PDIA3: variants seen among roughly 807,000 people sequenced by gnomAD.
PDIA3 encodes protein disulfide isomerase family A member 3.
PDIA3 carries 16 observed loss-of-function variants against 56.9 expected under a neutral mutation model. The observed-to-expected ratio is 0.28, with a 90% CI of 0.19 to 0.43. PDIA3 has a LOEUF of 0.43. Ranked by LOEUF, PDIA3 falls within the 20% of genes least tolerant of loss-of-function variation. The pLI is 1.00. For synonymous variants in PDIA3, 192 were observed against 216.5 expected (o/e 0.89, Z 0.99); for missense variants, 485 against 621.3 (o/e 0.78, Z 2.33).
chr15:43,749,374 C>T (rs1211885851), intron 1 of PDIA3, among the ~76,000 whole-genome samples: 2 of 152,200 alleles, frequency 1.3e-5, no homozygotes, highest in East Asian at 1.9e-4. Flanking sequence ...CAGGCGTGCG[C>T]CACCTAGCCT....
chr15:43,752,975 C>G, intron 1 of PDIA3: 4 of 438,218 alleles, frequency 9.1e-6, no homozygotes, highest in South Asian at 6.4e-5. Flanking sequence ...TTTGTTATCA[C>G]TTCTCATGGC....
intron 6 of PDIA3, 27 bp from the exon 7 acceptor site, chr15:43,765,860 A>C (rs757692664): frequency 6.3e-7 from 1 of 1,592,824 alleles, no homozygotes; most frequent in Non-Finnish European, 8.5e-7. Context: ...TTGGCAAGCC[A>C]GTTGATAATG....
At chr15:43,766,567 T>C (rs547237189) in intron 7 of PDIA3, among the ~76,000 whole-genome samples, 161 bp from the exon 8 acceptor site, 2 of 152,356 alleles carry the variant, frequency 1.3e-5, no homozygotes, top group African/African-American at 2.4e-5. Flanking sequence ...AAGTATATCA[T>C]AACCCTGTGT....
rs1027016458 is a variant in PDIA3, at chr15:43,772,520, C to T, written c.*1302C>T. The stretch of plus-strand genomic sequence containing the variant: ...CGGGGATCTAATTGTTTAGAGAGCC[C>T]CAAAAGTGGCTCAGATGTAAAGCCA... On this transcript the variant is annotated 3_prime_UTR_variant, in exon 13 of 13. Transcript: ENST00000300289. 6.6e-6 allele frequency: 1 copy of T among 152,052 alleles called. No homozygotes were observed. Among genetic ancestry groups the T allele is most frequent in the South Asian group, 2.1e-4 (1 of 4,818 alleles). 9.4% of individuals were successfully genotyped at this position (152,052 alleles called of 1,614,324 possible).
rs1040098247 is a variant in PDIA3 at position 43,772,144 on chromosome 15, C to T, written c.*926C>T. 1.3e-5 allele frequency: 2 copies of T among 152,504 alleles called. No individual in the cohort carries two copies. The highest frequency in any genetic ancestry group is 2.9e-5 in the Non-Finnish European group (2 of 68,264). The allele number at this position is 152,504 out of a possible 1,614,324, so 9.4% of individuals were successfully genotyped here. On this transcript the variant is annotated 3_prime_UTR_variant, in exon 13 of 13. Transcript: ENST00000300289. ...CCATTCCTAGTTATGAGTGAAGCAT[C>T]CACTTTCTTTTGTAACAATGAGGAA...
intron 8 of PDIA3, 60 bp from the exon 9 acceptor site, chr15:43,768,429 T>C: frequency 4.0e-6 from 5 of 1,246,806 alleles, no homozygotes; most frequent in Non-Finnish European, 5.9e-6. Flanking sequence ...AAGAAATTGC[T>C]GTAATTTTCT....
chr15:43,773,087 G>A lies in PDIA3; in HGVS notation c.*1869G>A. On this transcript the variant is annotated 3_prime_UTR_variant, in exon 13 of 13. Coordinates refer to ENST00000300289, the MANE Select transcript of PDIA3 (RefSeq NM_005313.5). ...GCTTTGTTCCTTTGTGTTTCACTAAGCAGAGGCTCAAAAATTCCCTTGATA... is the reference window on the plus strand; with the variant it reads ...GCTTTGTTCCTTTGTGTTTCACTAAACAGAGGCTCAAAAATTCCCTTGATA... 6.4e-7 allele frequency: 1 copy of A among 1,566,700 alleles called. No individual in the cohort carries two copies. Among genetic ancestry groups the A allele is most frequent in the South Asian group, 1.2e-5 (1 of 84,386 alleles).
At chr15:43,766,602 C>G (rs2141655839) in intron 7 of PDIA3, 126 bp from the exon 8 acceptor site, 1 of 731,982 alleles carries the variant, frequency 1.4e-6, no homozygotes, top group Non-Finnish European at 2.3e-6. Flanking sequence ...TCAGACTGTT[C>G]AGACTGATTC....
intron 4 of PDIA3, among the ~76,000 whole-genome samples, chr15:43,762,747 T>TC (rs1203296679): frequency 6.6e-6 from 1 of 152,210 alleles, no homozygotes; most frequent in African/African-American, 2.4e-5. Flanking sequence ...TTTTGACATG[T>TC]CATCTTAATT....
chr15:43,750,878 A>G (rs1284324148), intron 1 of PDIA3, among the ~76,000 whole-genome samples: 1 of 152,162 alleles, frequency 6.6e-6, no homozygotes, highest in Non-Finnish European at 1.5e-5. Context: ...CACGCCTGTA[A>G]TCCCAGCACT....
intron 8 of PDIA3, 60 bp downstream of exon 8, chr15:43,766,970 A>G: frequency 7.1e-7 from 1 of 1,407,414 alleles, no homozygotes. Context: ...TTATACTACA[A>G]AGGATTTCTA....
At chr15:43,760,587 G>A (rs1222647604) in intron 3 of PDIA3, among the ~76,000 whole-genome samples, 1 of 148,828 alleles carries the variant, frequency 6.7e-6, no homozygotes, top group Non-Finnish European at 1.5e-5. Flanking sequence ...GGAGTGCAGT[G>A]GCACGACCTC....
chr15:43,761,770 C>G (rs1050553913), intron 4 of PDIA3, among the ~76,000 whole-genome samples: 50 of 151,692 alleles, frequency 3.3e-4, no homozygotes, highest in African/African-American at 1.2e-3. Flanking sequence ...GGTTTGTGTT[C>G]TCATAGATGT....
chr15:43,767,927 C>T (rs895605075), intron 8 of PDIA3, among the ~76,000 whole-genome samples: 4 of 151,924 alleles, frequency 2.6e-5, no homozygotes, highest in African/African-American at 9.7e-5. Context: ...CCAGCCTGGG[C>T]AACATAGCAA....
intron 3 of PDIA3, among the ~76,000 whole-genome samples, chr15:43,757,980 C>G (rs2086790749): frequency 6.6e-6 from 1 of 151,508 alleles, no homozygotes; most frequent in Non-Finnish European, 1.5e-5. Context: ...CGCGGTGGCT[C>G]ACGCCTGTAA....
At chr15:43,766,055 A>G (rs780406712) in intron 7 of PDIA3, 43 bp downstream of exon 7, 2 of 1,574,858 alleles carry the variant, frequency 1.3e-6, no homozygotes, top group South Asian at 2.3e-5. Flanking sequence ...AGTTTACCCA[A>G]TGTATAGACA....
intron 1 of PDIA3, among the ~76,000 whole-genome samples, chr15:43,751,370 T>C (rs1200519996): frequency 6.6e-6 from 1 of 152,108 alleles, no homozygotes. Flanking sequence ...GATAAGGCAC[T>C]TATCAAAAAG....
chr15:43,770,991 C>T, intron 12 of PDIA3, 114 bp from the exon 13 acceptor site: 1 of 672,506 alleles, frequency 1.5e-6, no homozygotes, highest in East Asian at 2.7e-5. Flanking sequence ...CTCTCATGGG[C>T]AGTATATGTG....
At position 43,747,252 on chromosome 15, in the gene PDIA3, G is replaced by C. The variant is rs192640326; in HGVS notation, c.167+546G>C. Reference sequence around the variant, plus strand: ...TAATTTGTCCGTCACATGGTGTACAGTTTCTCCCTTCAGCTGATCACTTAC... The same window carrying C: ...TAATTTGTCCGTCACATGGTGTACACTTTCTCCCTTCAGCTGATCACTTAC... On this transcript the variant is annotated intron_variant, in intron 1 of 12. Transcript: ENST00000300289. Among the ~76,000 whole-genome samples, 9 of 152,304 alleles carry C rather than the reference G, an allele frequency of 5.9e-5. 1 individual carries two copies. The highest frequency in any genetic ancestry group is 5.9e-4 in the Admixed American group (9 of 15,300).
Sources: gnomAD v4.1 joint callset for allele counts (sites outside exome capture counted in the v4.1 genomes callset) on GRCh38, gnomAD v4.1.1 for gene constraint, MANE v1.5 for transcripts, NCBI Gene and HGNC (gene_info 2026-07-23, HGNC 2026-07-21) for gene names.